TRA2A: variants seen among roughly 807,000 people sequenced by gnomAD.
The protein encoded by TRA2A is transformer-2 protein homolog alpha.
A neutral mutation model predicts 45.7 loss-of-function variants in TRA2A; 31 were observed. The observed-to-expected ratio is 0.68, with a 90% CI of 0.51 to 0.92. The LOEUF (loss-of-function observed/expected upper bound fraction) is 0.92, where lower values mean the gene tolerates loss of function less well. TRA2A is among the 40% of genes least tolerant of loss of function. The pLI, the probability that TRA2A is intolerant of heterozygous loss-of-function variation, is 0.00. For missense variants in TRA2A, 304 were observed against 367.5 expected (o/e 0.83, Z 1.41); for synonymous variants, 132 against 126.2 (o/e 1.05, Z -0.31).
intron 2 of TRA2A, among the ~76,000 whole-genome samples, chr7:23,517,306 C>A (rs1323783411): frequency 1.3e-5 from 2 of 149,132 alleles, no homozygotes; most frequent in Non-Finnish European, 3.0e-5. Context: ...CATGGTGAAA[C>A]CCCTCTACTA....
At chr7:23,521,488 TGTGGTGCA>T (rs1364586330) in intron 2 of TRA2A, among the ~76,000 whole-genome samples, 1 of 152,246 alleles carries the variant, frequency 6.6e-6, no homozygotes. Flanking sequence ...GCACCCAGGC[TGTGGTGCA>T]GTGGTGCAAT....
chr7:23,531,121 G>T, intron 1 of TRA2A: 1 of 653,128 alleles, frequency 1.5e-6, no homozygotes, highest in Non-Finnish European at 1.9e-6. Context: ...TCCTTGCGTA[G>T]TTTCCCCTCA....
At chr7:23,522,763 G>T (rs920695722) in intron 1 of TRA2A, among the ~76,000 whole-genome samples, 32 of 151,916 alleles carry the variant, frequency 2.1e-4, no homozygotes, top group African/African-American at 7.3e-4. Context: ...CCCCACCTAA[G>T]TGTTAAATTT....
At chr7:23,514,457 C>T (rs1043181613) in intron 3 of TRA2A, among the ~76,000 whole-genome samples, 1 of 151,970 alleles carries the variant, frequency 6.6e-6, no homozygotes, top group South Asian at 2.1e-4. Context: ...AGTGAAACTC[C>T]GTCTCACTTA....
intron 1 of TRA2A, among the ~76,000 whole-genome samples, chr7:23,530,329 T>C (rs1297522756): frequency 6.6e-6 from 1 of 152,236 alleles, no homozygotes. Flanking sequence ...GCAAATTTTT[T>C]AGTCTACCGG....
At position 23,517,503 on chromosome 7, in the gene TRA2A, A is replaced by AAAAAG. The variant is rs764849438; in HGVS notation, c.171-976_171-975insCTTTT. The stretch of plus-strand genomic sequence containing the variant: ...AAAAAAAAAAAAAAAAAAAAAAAAA[A>AAAAAG]AGAGAGAAAGAAAGAAAAATCACTT... On this transcript the variant is annotated intron_variant, in intron 2 of 7. Coordinates refer to ENST00000297071, the MANE Select transcript of TRA2A (RefSeq NM_013293.5). 1.4e-3 allele frequency among the ~76,000 whole-genome samples: 167 copies of AAAAAG among 116,192 alleles called. 8 individuals are homozygous for AAAAAG. The highest frequency in any genetic ancestry group is 4.0e-3 in the African/African-American group (124 of 30,854). 76.2% of individuals were successfully genotyped at this position (116,192 alleles called of 152,430 possible).
At chr7:23,524,898 G>T (rs557471882) in intron 1 of TRA2A, among the ~76,000 whole-genome samples, 4 of 151,696 alleles carry the variant, frequency 2.6e-5, no homozygotes, top group East Asian at 3.9e-4. Context: ...CCCTATGTTG[G>T]CCAGGCTGGT....
intron 2 of TRA2A, among the ~76,000 whole-genome samples, chr7:23,517,397 G>A (rs540665482): frequency 1.0e-4 from 14 of 140,382 alleles, no homozygotes; most frequent in Non-Finnish European, 1.8e-4. Context: ...GAAATGGCGC[G>A]AACCCAGAAG....
At chr7:23,523,377 G>A (rs939832230) in intron 1 of TRA2A, among the ~76,000 whole-genome samples, 1 of 151,982 alleles carries the variant, frequency 6.6e-6, no homozygotes, top group Non-Finnish European at 1.5e-5. Context: ...ACAGATATGA[G>A]GCACTTATGA....
In TRA2A at chr7:23,505,808, C is replaced by T. The variant is rs1235274612; in HGVS notation, c.776G>A (p.Arg259Gln). 1 of 1,537,648 alleles carries T rather than the reference C, an allele frequency of 6.5e-7. No individual in the cohort carries two copies. Among genetic ancestry groups the T allele is most frequent in the African/African-American group, 1.4e-5 (1 of 71,340 alleles). ...TCGACTATAATAAGGAGAAGGTGAT[C>T]GTCTTCTGTAAGAAATGAAAGATTA... is the stretch of plus-strand genomic sequence containing the variant. ...YEDYDYRYRR[R>Q]SPSPYYSRYR... The change falls in exon 7 of 8, where the codon CGA (arginine) becomes CAA (glutamine). Residue 259 changes from arginine (R) to glutamine (Q), a missense_variant. Around this residue, in one of 3 missense-constraint regions of TRA2A, gnomAD observed 42 missense variants for 37.0 expected, o/e 1.14. Coordinates refer to ENST00000297071, the MANE Select transcript of TRA2A (RefSeq NM_013293.5).
chr7:23,515,223 C>CTTTTTTTTT (rs767953060), intron 3 of TRA2A, among the ~76,000 whole-genome samples: 9 of 96,796 alleles, frequency 9.3e-5, no homozygotes, highest in African/African-American at 1.6e-4. Context: ...GAACATATTT[C>CTTTTTTTTT]TTTTTTTTTT....
intron 2 of TRA2A, among the ~76,000 whole-genome samples, chr7:23,517,136 A>G (rs1244952085): frequency 6.6e-6 from 1 of 151,286 alleles, no homozygotes; most frequent in East Asian, 2.0e-4. Context: ...ATTCTTAGCT[A>G]AGTGCAGTGA....
At chr7:23,516,602 T>G in intron 2 of TRA2A, 74 bp from the exon 3 acceptor site, 2 of 1,347,306 alleles carry the variant, frequency 1.5e-6, no homozygotes, top group Non-Finnish European at 2.1e-6. Flanking sequence ...CAAGAAGGTA[T>G]ACATATATCC....
At chr7:23,523,175 T>C (rs1402442091) in intron 1 of TRA2A, among the ~76,000 whole-genome samples, 1 of 152,202 alleles carries the variant, frequency 6.6e-6, no homozygotes, top group African/African-American at 2.4e-5. Flanking sequence ...TATCATAGTC[T>C]TTATCTTTGA....
At position 23,506,241 on chromosome 7, in the gene TRA2A, C is replaced by T. The variant is rs1401771136; in HGVS notation, c.667G>A (p.Gly223Ser). ...CCACCACCTCCACCTCCACCGCCGC[C>T]GCCTCCTCCACCACCCCCACCACTA... ...THSGGGGGGG[G>S]GGGGGGGGRR... is the part of the protein sequence containing the mutation. The change falls in exon 6 of 8, where the codon GGC (glycine) becomes AGC (serine). Residue 223 changes from glycine (G) to serine (S), a missense_variant. Physicochemically the swap from Gly to Ser is moderately conservative, Grantham distance 56 (BLOSUM62 0). Around this residue, in one of 3 missense-constraint regions of TRA2A, gnomAD observed 130 missense variants for 217.1 expected, o/e 0.60. Transcript: ENST00000297071. 41 of 1,610,426 alleles carry T rather than the reference C, an allele frequency of 2.5e-5. No homozygotes were observed. Among genetic ancestry groups the T allele is most frequent in the Admixed American group, 8.4e-5 (5 of 59,810 alleles).
chr7:23,523,300 T>C (rs964076001), intron 1 of TRA2A, among the ~76,000 whole-genome samples: 3 of 152,122 alleles, frequency 2.0e-5, no homozygotes, highest in East Asian at 1.9e-4. Context: ...TCTGAAAAAA[T>C]TGGGTGTAAA....
At chr7:23,517,766 G>C (rs1324000639) in intron 2 of TRA2A, among the ~76,000 whole-genome samples, 1 of 151,206 alleles carries the variant, frequency 6.6e-6, no homozygotes, top group Non-Finnish European at 1.5e-5. Context: ...ACAAAAATTA[G>C]CTGGGCGTGG....
At position 23,527,615 on chromosome 7, in the gene TRA2A, G is replaced by A. The variant is rs76644808; in HGVS notation, c.36+4174C>T. On this transcript the variant is annotated intron_variant, in intron 1 of 7. Coordinates refer to ENST00000297071, the MANE Select transcript of TRA2A (RefSeq NM_013293.5). ...CTTCTTATAATACACATGCTACATC[G>A]TAGGTTAGAGTTTGGTTGATTTACA... Among the ~76,000 whole-genome samples, 1,279 of 152,292 alleles carry A rather than the reference G, an allele frequency of 8.4e-3. 7 individuals carry two copies. Among genetic ancestry groups the A allele is most frequent in the Non-Finnish European group, 0.013 (897 of 68,020 alleles).
chr7:23,523,791 T>C (rs1790231872), intron 1 of TRA2A, among the ~76,000 whole-genome samples: 1 of 152,202 alleles, frequency 6.6e-6, no homozygotes, highest in African/African-American at 2.4e-5. Flanking sequence ...GCATATTCAG[T>C]ATCTTATAAA....
Sources: allele counts gnomAD v4.1 joint callset (sites outside exome capture counted in the v4.1 genomes callset), GRCh38; gene constraint gnomAD v4.1.1; regional missense constraint gnomAD v4.1.1; transcripts MANE v1.5; gene names NCBI Gene and HGNC (gene_info 2026-07-23, HGNC 2026-07-21).